The following SLAIN1 variants were observed in gnomAD, a reference collection of about 807,000 sequenced individuals.
The protein encoded by SLAIN1 is SLAIN motif-containing protein 1.
A neutral mutation model predicts 55.4 loss-of-function variants in SLAIN1; 17 were observed. The ratio of observed to expected loss-of-function variants is 0.31; its 90% CI spans 0.21 to 0.46. SLAIN1 has a LOEUF of 0.46. SLAIN1 is among the 20% of genes least tolerant of loss of function. The pLI is 1.00. For missense variants in SLAIN1, 682 were observed against 785.1 expected (o/e 0.87, Z 1.57); for synonymous variants, 348 against 337.4 (o/e 1.03, Z -0.35).
chr13:77,742,183 G>A (rs1205844595), intron 2 of SLAIN1, among the ~76,000 whole-genome samples: 1 of 151,786 alleles, frequency 6.6e-6, no homozygotes, highest in Non-Finnish European at 1.5e-5. Flanking sequence ...GTGAGGTAAT[G>A]TAAGAATGAG....
chr13:77,747,468 G>C (rs1367863171), intron 4 of SLAIN1, among the ~76,000 whole-genome samples: 1 of 152,172 alleles, frequency 6.6e-6, no homozygotes, highest in African/African-American at 2.4e-5. Context: ...CTGTGGCAGA[G>C]GCAGGGTTGT....
intron 2 of SLAIN1, among the ~76,000 whole-genome samples, chr13:77,732,654 A>G (rs1006984095): frequency 3.3e-5 from 5 of 152,152 alleles, no homozygotes; most frequent in South Asian, 2.1e-4. Flanking sequence ...ATGCCTTTGA[A>G]GTGTAATTAC....
chr13:77,719,986 G>A (rs191335988), intron 2 of SLAIN1, among the ~76,000 whole-genome samples: 39 of 151,860 alleles, frequency 2.6e-4, no homozygotes, highest in Admixed American at 2.0e-3. Context: ...AGTGCTCTGG[G>A]GTCAGTAACA....
chr13:77,748,772 G>T (rs1043411121), intron 4 of SLAIN1, among the ~76,000 whole-genome samples: 1 of 152,144 alleles, frequency 6.6e-6, no homozygotes, highest in Non-Finnish European at 1.5e-5. Flanking sequence ...GAGAGCAGAG[G>T]CTCTGAAGTC....
intron 6 of SLAIN1, 51 bp from the exon 7 acceptor site, chr13:77,763,094 C>A: frequency 6.8e-7 from 1 of 1,476,732 alleles, no homozygotes; most frequent in Non-Finnish European, 9.5e-7. Flanking sequence ...AGTGATGTGA[C>A]TCATAGGATT....
At position 77,698,410 on chromosome 13, in the gene SLAIN1, CG is replaced by C; in HGVS notation, c.503del (p.Gly168AlafsTer31). The stretch of plus-strand genomic sequence containing the variant: ...GGCGCGGGCGGTGGCGGGCCGGAGC[CG>C]GGGGGCGCGGGGACGCCGCCAGGGG... ...FFGAGGGGPEPGGAGTPPGAA... is the reference protein window; with the variant it reads ...FFGAGGGGPEXGGAGTPPGAA... On this transcript the variant is annotated frameshift_variant, in exon 1 of 7. Transcript: ENST00000418532. LOFTEE classifies it high-confidence loss of function. The surrounding 1 kb of genome is among the most constrained non-coding windows in gnomAD (Gnocchi z 4.1). The C allele has an allele frequency of 1.1e-5, 15 of 1,393,214 alleles. No homozygotes were observed. The highest frequency in any genetic ancestry group is 6.4e-5 in the South Asian group (4 of 62,772). 86.3% of individuals were successfully genotyped at this position (1,393,214 alleles called of 1,614,324 possible).
intron 1 of SLAIN1, chr13:77,699,084 A>C (rs2091004680): frequency 1.3e-6 from 2 of 1,522,506 alleles, no homozygotes; most frequent in Non-Finnish European, 1.8e-6. Context: ...TGAATTTTGC[A>C]GTCGTGTGCC....
intron 2 of SLAIN1, among the ~76,000 whole-genome samples, chr13:77,740,528 GCC>G (rs5804928): frequency 0.2 from 27,892 of 142,814 alleles, 3,131 homozygotes; most frequent in African/African-American, 0.3. Flanking sequence ...TTTGCGAACC[GCC>G]CCCCCCCCCT....
intron 1 of SLAIN1, among the ~76,000 whole-genome samples, chr13:77,707,427 A>G (rs1457879417): frequency 2.6e-5 from 4 of 151,912 alleles, no homozygotes; most frequent in Non-Finnish European, 1.5e-5. Context: ...TGACATTTTC[A>G]TCTGTTCCCT....
chr13:77,761,930 AAGG>A (rs1875058674), intron 6 of SLAIN1, among the ~76,000 whole-genome samples: 1 of 152,194 alleles, frequency 6.6e-6, no homozygotes, highest in African/African-American at 2.4e-5. Context: ...TTAGGATATG[AAGG>A]AGAAGGAGAA....
chr13:77,753,711 T>G (rs1044573328), intron 5 of SLAIN1, among the ~76,000 whole-genome samples: 4 of 152,210 alleles, frequency 2.6e-5, no homozygotes, highest in African/African-American at 4.8e-5. Context: ...GATTGATTTA[T>G]CCACTCATCA....
intron 1 of SLAIN1, among the ~76,000 whole-genome samples, chr13:77,718,098 GA>G (rs758491461): frequency 0.024 from 3,560 of 146,554 alleles, 74 homozygotes; most frequent in Non-Finnish European, 0.03. Flanking sequence ...ACACTCTAAG[GA>G]AAAAAAAAAA....
intron 1 of SLAIN1, among the ~76,000 whole-genome samples, chr13:77,703,821 G>A (rs994801559): frequency 6.7e-6 from 1 of 149,090 alleles, no homozygotes. Flanking sequence ...GAGATTGAAG[G>A]CTCTTAAAAT....
intron 4 of SLAIN1, among the ~76,000 whole-genome samples, chr13:77,750,750 G>A (rs1874152503): frequency 6.6e-6 from 1 of 152,134 alleles, no homozygotes; most frequent in Non-Finnish European, 1.5e-5. Flanking sequence ...CACACAGAAA[G>A]TAATGTGTGA....
intron 5 of SLAIN1, among the ~76,000 whole-genome samples, chr13:77,758,140 G>A (rs150505412): frequency 4.3e-4 from 66 of 152,148 alleles, no homozygotes; most frequent in African/African-American, 1.5e-3. Context: ...GGGTAAGGTG[G>A]TATCTCATTG....
rs369277171 is a variant in SLAIN1 at position 77,761,031 on chromosome 13, C to G, written c.1618C>G (p.Arg540Gly). Residue 540 changes from arginine (R) to glycine (G), a missense_variant, in exon 6 of 7, where the codon CGC becomes GGC. This residue lies in a region of SLAIN1 where 244 missense variants were observed against 295.2 expected (regional missense o/e 0.83). Coordinates refer to ENST00000418532, the MANE Select transcript of SLAIN1 (RefSeq NM_001242868.2). ...AGCTGCAGCTTCTGGGATAATGGGT[C>G]GCAGTGCACTCCCAAGACCTTCGTT... is the stretch of plus-strand genomic sequence containing the variant. ...NKAAASGIMGRSALPRPSLAI... is the reference protein window; with the variant it reads ...NKAAASGIMGGSALPRPSLAI... 2.5e-6 allele frequency: 4 copies of G among 1,614,132 alleles called. No homozygotes were observed. Among genetic ancestry groups the G allele is most frequent in the Middle Eastern group, 1.6e-4 (1 of 6,062 alleles).
intron 1 of SLAIN1, among the ~76,000 whole-genome samples, chr13:77,718,063 C>G (rs1172491677): frequency 6.6e-6 from 1 of 151,642 alleles, no homozygotes; most frequent in Non-Finnish European, 1.5e-5. Context: ...TATATATACT[C>G]TTGATGGAGT....
At chr13:77,706,138 A>C (rs2091087568) in intron 1 of SLAIN1, among the ~76,000 whole-genome samples, 1 of 152,040 alleles carries the variant, frequency 6.6e-6, no homozygotes, top group Non-Finnish European at 1.5e-5. Context: ...TCTTTTTCCT[A>C]AACAGTCTTT....
At position 77,744,378 on chromosome 13, in the gene SLAIN1, T is replaced by C; in HGVS notation, c.862T>C (p.Tyr288His). Residue 288 changes from tyrosine to histidine, a missense_variant, in exon 3 of 7, where the codon TAT (tyrosine) becomes CAT (histidine). By Grantham distance (83) the Tyr-to-His change is moderately conservative. Coordinates refer to ENST00000418532, the MANE Select transcript of SLAIN1 (RefSeq NM_001242868.2). ...GGAGGATGATTCTATCTCCATGGGA[T>C]ATAAATTACAGGACCTCACTGATGT... ...ELEDDSISMG[Y>H]KLQDLTDVQI... The C allele has an allele frequency of 1.2e-6, 2 of 1,612,836 alleles. No homozygotes were observed. Among genetic ancestry groups the C allele is most frequent in the Non-Finnish European group, 1.7e-6 (2 of 1,179,252 alleles).
Sources: allele counts gnomAD v4.1 joint callset (sites outside exome capture counted in the v4.1 genomes callset), GRCh38; gene constraint gnomAD v4.1.1; regional missense constraint gnomAD v4.1.1; non-coding constraint Gnocchi (gnomAD v3.1); transcripts MANE v1.5; gene names NCBI Gene and HGNC (gene_info 2026-07-23, HGNC 2026-07-21).